Variants in ABCC6 observed in about 807,000 individuals in gnomAD.
ABCC6 encodes the protein ATP-binding cassette sub-family C member 6.
ABCC6 carries 126 observed loss-of-function variants against 169.5 expected under a neutral mutation model. That is an observed-to-expected ratio of 0.74 (90% CI 0.64 to 0.86). The LOEUF (loss-of-function observed/expected upper bound fraction) is 0.86, where lower values mean the gene tolerates loss of function less well. Ranked by LOEUF, ABCC6 falls within the 40% of genes least tolerant of loss-of-function variation. The pLI, the probability that ABCC6 is intolerant of heterozygous loss-of-function variation, is 0.00. For synonymous variants in ABCC6, 752 were observed against 814.7 expected, an observed-to-expected ratio of 0.92 and a Z score of 1.31; for missense variants, 1,733 against 1,927.2, an observed-to-expected ratio of 0.90 and a Z score of 1.89.
chr16:16,177,777 T>G, intron 18 of ABCC6, 151 bp from the exon 19 acceptor site: 27 of 842,506 alleles, frequency 3.2e-5, no homozygotes, highest in Non-Finnish European at 4.8e-5. Flanking sequence ...GCCCCATCTC[T>G]ACTAAAAATA....
At chr16:16,218,103 A>G (rs1182797802) in intron 4 of ABCC6, among the ~76,000 whole-genome samples, 1 of 151,790 alleles carries the variant, frequency 6.6e-6, no homozygotes, top group African/African-American at 2.4e-5. Context: ...TGAACAAACA[A>G]AAAATAAAAA....
intron 24 of ABCC6, among the ~76,000 whole-genome samples, 199 bp downstream of exon 24, chr16:16,162,794 C>G (rs1340845078): frequency 6.6e-6 from 1 of 152,168 alleles, no homozygotes; most frequent in Admixed American, 6.5e-5. Flanking sequence ...TCCTGTACCC[C>G]CCGCCCACCT....
intron 17 of ABCC6, among the ~76,000 whole-genome samples, chr16:16,182,106 C>T (rs1416141552): frequency 6.6e-6 from 1 of 152,180 alleles, no homozygotes; most frequent in Non-Finnish European, 1.5e-5. Context: ...ACCAACATTA[C>T]TCAGCAAGGC....
chr16:16,155,448 C>T (rs1482107209), intron 27 of ABCC6: 1 of 249,178 alleles, frequency 4.0e-6, no homozygotes, highest in Non-Finnish European at 7.9e-6. Flanking sequence ...CAATCCCATC[C>T]CTCCATCTCT....
chr16:16,152,451 C>T (rs2046414716), intron 29 of ABCC6, among the ~76,000 whole-genome samples: 1 of 151,926 alleles, frequency 6.6e-6, no homozygotes, highest in Non-Finnish European at 1.5e-5. Context: ...GGTCTTGTCC[C>T]AACCTCACTA....
At chr16:16,168,478 C>G (rs1289731394) in intron 22 of ABCC6, among the ~76,000 whole-genome samples, 1 of 151,788 alleles carries the variant, frequency 6.6e-6, no homozygotes, top group East Asian at 1.9e-4. Flanking sequence ...AAAGCCAGAC[C>G]CAGTCTATAT....
Position 16,149,984 on chromosome 16 carries a change from C to G in ABCC6, c.*149G>C. On this transcript the variant is annotated 3_prime_UTR_variant, in exon 31 of 31. Transcript: ENST00000205557. ...GGCTCTGATGCTCTGTGATAATTGG[C>G]CACTTTCTCTGCCATTTTCCTCCCA... The G allele has an allele frequency of 8.0e-7, 1 of 1,244,280 alleles. No homozygotes were observed. The highest frequency in any genetic ancestry group is 1.5e-5 in the African/African-American group (1 of 67,598). The allele number at this position is 1,244,280 out of a possible 1,614,324, so 77.1% of individuals were successfully genotyped here.
Position 16,197,063 on chromosome 16 carries a change from ATGTTTTGTT to A in ABCC6, c.1338+949_1338+957del, listed in dbSNP as rs377341415. 4.2e-3 allele frequency among the ~76,000 whole-genome samples: 639 copies of A among 152,224 alleles called. 2 individuals are homozygous for A. The highest frequency in any genetic ancestry group is 0.014 in the African/African-American group (573 of 41,516). On this transcript the variant is annotated intron_variant, in intron 10 of 30. Coordinates refer to ENST00000205557, the MANE Select transcript of ABCC6 (RefSeq NM_001171.6). ...TTAAAGGAATGAAGTTGGAAAGTAA[ATGTTTTGTT>A]TGTTTTGTTTGGTTGTTTCCTGATG...
intron 21 of ABCC6, among the ~76,000 whole-genome samples, chr16:16,172,190 A>G (rs372286730): frequency 2.2e-4 from 17 of 78,820 alleles, no homozygotes; most frequent in African/African-American, 8.9e-4. Context: ...TGGATAAATG[A>G]GTGGGTGGGA....
chr16:16,182,719 T>A lies in ABCC6; in HGVS notation c.2070+85A>T, dbSNP rs952416362. 6.8e-6 allele frequency: 10 copies of A among 1,469,798 alleles called. No individual in the cohort carries two copies. In the Admixed American group the frequency reaches 8.9e-5, roughly 13 times the overall value. The allele number at this position is 1,469,798 out of a possible 1,614,324, so 91.0% of individuals were successfully genotyped here. A position where few individuals can be genotyped will look rare whatever the true frequency, so the allele number is the denominator to read the frequency against. On this transcript the variant is annotated intron_variant, in intron 16 of 30. Coordinates refer to ENST00000205557, the MANE Select transcript of ABCC6 (RefSeq NM_001171.6). Reference sequence around the variant, plus strand: ...GAGAATGAGTGAAAGTGAACTTGGCTGGGATGGGGAGGGTGGGAAGGCAGC... The same window carrying A: ...GAGAATGAGTGAAAGTGAACTTGGCAGGGATGGGGAGGGTGGGAAGGCAGC...
chr16:16,201,776 C>T (rs544101661), intron 9 of ABCC6, among the ~76,000 whole-genome samples: 5 of 152,026 alleles, frequency 3.3e-5, no homozygotes, highest in African/African-American at 7.2e-5. Flanking sequence ...TGCAGTGAGC[C>T]GAGATTGCAC....
chr16:16,165,432 A>T lies in ABCC6; in HGVS notation c.3306+191T>A, dbSNP rs557054784. Among the ~76,000 whole-genome samples the T allele has an allele frequency of 2.4e-4, 37 of 152,200 alleles. No individual in the cohort carries two copies. In the South Asian group the frequency reaches 7.3e-3, roughly 30 times the overall value. On this transcript the variant is annotated intron_variant, in intron 23 of 30. Transcript: ENST00000205557. ...TGTCTCTCTAAAAAAAAGAACTTTG[A>T]TGTGAACATTTAGAGACAGACACTA...
Position 16,192,917 on chromosome 16 carries a change from C to T in ABCC6, c.1344G>A (p.Leu448=), listed in dbSNP as rs58703366. The change falls in exon 11 of 31, where the codon CTG becomes CTA. Residue 448 remains leucine, a synonymous_variant. Transcript: ENST00000205557. ...CGATGGCAGTGAGGGCGGAGGGCCC[C>T]AGGAGCTGGGGATAGAAGGGGCAGG... ...VVCFVYLWQL[L]GPSALTAIAV... 2.7e-3 allele frequency: 4,279 copies of T among 1,613,984 alleles called. 101 individuals are homozygous for T. The African/African-American group carries it at 0.05, about 19-fold the overall frequency.
chr16:16,182,709 T>A (rs768720195), intron 16 of ABCC6, 95 bp downstream of exon 16: 22 of 1,599,370 alleles, frequency 1.4e-5, no homozygotes, highest in Non-Finnish European at 1.7e-5. Context: ...TGAGTGAAAG[T>A]GAACTTGGCT....
chr16:16,179,747 C>T (rs935987903), intron 17 of ABCC6, among the ~76,000 whole-genome samples: 3 of 152,158 alleles, frequency 2.0e-5, no homozygotes, highest in African/African-American at 4.8e-5. Flanking sequence ...CCCACTACCA[C>T]GCCTGGCTAG....
intron 4 of ABCC6, among the ~76,000 whole-genome samples, chr16:16,217,095 T>A (rs2048904041): frequency 6.6e-6 from 1 of 152,214 alleles, no homozygotes. Context: ...ATTAAGCTAG[T>A]GTGAACTGAG....
In ABCC6 at chr16:16,154,959, C is replaced by T; in HGVS notation, c.3955G>A (p.Ala1319Thr). The T allele has an allele frequency of 6.3e-7, 1 of 1,586,922 alleles. No homozygotes were observed. The highest frequency in any genetic ancestry group is 8.6e-7 in the Non-Finnish European group (1 of 1,167,050). The change falls in exon 28 of 31, where the codon GCT (alanine) becomes ACT (threonine). Residue 1319 changes from alanine (A) to threonine (T), a missense_variant. Ala to Thr is a moderately conservative substitution (Grantham distance 58). Transcript: ENST00000205557. The part of the protein sequence containing the change: ...ASGLLRLQEA[A>T]EGGIWIDGVP... Reference sequence around the variant, plus strand: ...CCGTCGATCCAGATCCCACCCTCAGCTGCCTCCTGGAGCCGCAGCAGCCCA... The same window carrying T: ...CCGTCGATCCAGATCCCACCCTCAGTTGCCTCCTGGAGCCGCAGCAGCCCA...
intron 18 of ABCC6, 150 bp from the exon 19 acceptor site, chr16:16,177,776 C>A: frequency 1.2e-6 from 1 of 864,258 alleles, no homozygotes; most frequent in East Asian, 2.6e-5. Context: ...AGCCCCATCT[C>A]TACTAAAAAT....
At position 16,150,568 on chromosome 16, in the gene ABCC6, G is replaced by C; in HGVS notation, c.4403+10C>G. The C allele has an allele frequency of 6.2e-7, 1 of 1,605,550 alleles. No individual in the cohort carries two copies. Among genetic ancestry groups the C allele is most frequent in the Admixed American group, 1.7e-5 (1 of 59,858 alleles). On this transcript the variant is annotated intron_variant, in intron 30 of 30. Coordinates refer to ENST00000205557, the MANE Select transcript of ABCC6 (RefSeq NM_001171.6). ...GCTGCTGTGAGGTCAGGCCGGGGCGGGAGCCTTACCGGGCACAGTCCATCA... is the reference window on the plus strand; with the variant it reads ...GCTGCTGTGAGGTCAGGCCGGGGCGCGAGCCTTACCGGGCACAGTCCATCA...
Sources: allele counts gnomAD v4.1 joint callset (sites outside exome capture counted in the v4.1 genomes callset), GRCh38; gene constraint gnomAD v4.1.1; transcripts MANE v1.5; gene names NCBI Gene and HGNC (gene_info 2026-07-23, HGNC 2026-07-21).